Variants in XKR6 observed in about 807,000 individuals in gnomAD.
The protein encoded by XKR6 is XK related 6.
XKR6 carries 22 observed loss-of-function variants against 56.7 expected under a neutral mutation model. The observed-to-expected ratio is 0.39, with a 90% CI of 0.28 to 0.55. The LOEUF (loss-of-function observed/expected upper bound fraction) is 0.55. Among genes scored for constraint, XKR6 ranks in the 20% least tolerant of loss-of-function variants. The pLI is 0.66. For synonymous variants in XKR6, 524 were observed against 387.8 expected (o/e 1.35, Z -4.13); for missense variants, 852 against 889.0 (o/e 0.96, Z 0.53).
chr8:11,108,665 C>T lies in XKR6; in HGVS notation c.764+91911G>A, dbSNP rs965345671. The T allele has an allele frequency of 1.5e-4, 35 of 230,276 alleles. 1 individual carries two copies. The South Asian group carries it at 1.6e-3, about 11-fold the overall frequency. The allele number at this position is 230,276 out of a possible 1,614,324, so 14.3% of individuals were successfully genotyped here. A position where few individuals can be genotyped will look rare whatever the true frequency, so the allele number is the denominator to read the frequency against. On this transcript the variant is annotated intron_variant, in intron 1 of 2. Transcript: ENST00000416569. ...TCTTGCCATGTGGCTCAGTTCTATGCGTGGAAAAGCAATGAGCGACCTTCA... is the reference window on the plus strand; with the variant it reads ...TCTTGCCATGTGGCTCAGTTCTATGTGTGGAAAAGCAATGAGCGACCTTCA...
rs570729851 is a variant in XKR6 at position 10,945,086 on chromosome 8, GA to G, written c.765-20257del. 3.0e-4 allele frequency among the ~76,000 whole-genome samples: 46 copies of G among 152,310 alleles called. 1 individual carries two copies. In the South Asian group the frequency reaches 6.8e-3, roughly 23 times the overall value. On this transcript the variant is annotated intron_variant, in intron 1 of 2. Coordinates refer to ENST00000416569, the MANE Select transcript of XKR6 (RefSeq NM_173683.4). ...GGGCTCGGGAGAGCATTGCCTGGGT[GA>G]AACTGGCTCCACCCCACGCCACCCA...
intron 1 of XKR6, among the ~76,000 whole-genome samples, chr8:10,950,808 A>G (rs558910350): frequency 6.7e-6 from 1 of 149,014 alleles, no homozygotes; most frequent in East Asian, 1.9e-4. Flanking sequence ...AGTGTCGAAC[A>G]CTTTCCAGGT....
intron 1 of XKR6, among the ~76,000 whole-genome samples, chr8:11,046,329 G>A (rs1184936158): frequency 6.6e-6 from 1 of 152,156 alleles, no homozygotes; most frequent in Non-Finnish European, 1.5e-5. Context: ...GAATCTAGGA[G>A]ACAGAGGTTG....
At chr8:10,915,267 G>A (rs1800527243) in intron 2 of XKR6, among the ~76,000 whole-genome samples, 1 of 152,238 alleles carries the variant, frequency 6.6e-6, no homozygotes, top group Non-Finnish European at 1.5e-5. Context: ...CATAGTAGGT[G>A]ATTAGGGAAG....
intron 1 of XKR6, chr8:11,035,247 C>T: frequency 1.9e-6 from 1 of 534,770 alleles, no homozygotes. Context: ...GACGTAGCAC[C>T]CCATTTCCAG....
In XKR6 at chr8:10,938,473, A is replaced by G. The variant is rs550566729; in HGVS notation, c.765-13643T>C. Among the ~76,000 whole-genome samples, 494 of 152,342 alleles carry G rather than the reference A, an allele frequency of 3.2e-3. 16 individuals are homozygous for G. Among genetic ancestry groups the G allele is most frequent in the Non-Finnish European group, 3.7e-3 (254 of 68,034 alleles). ...GCCTACTATCCTTCCGCAGGTGAATATATAAACAATTATGGTAATCCATAC... is the reference window on the plus strand; with the variant it reads ...GCCTACTATCCTTCCGCAGGTGAATGTATAAACAATTATGGTAATCCATAC... On this transcript the variant is annotated intron_variant, in intron 1 of 2. Transcript: ENST00000416569.
chr8:10,962,780 C>A (rs1475279330), intron 1 of XKR6, among the ~76,000 whole-genome samples: 1 of 152,090 alleles, frequency 6.6e-6, no homozygotes, highest in Non-Finnish European at 1.5e-5. Context: ...CCCCCGCCAC[C>A]ACACCTGGCT....
In XKR6 at chr8:11,201,190, C is replaced by A; in HGVS notation, c.150G>T (p.Glu50Asp). The change falls in exon 1 of 3, where the codon GAG becomes GAT. Residue 50 changes from glutamate (E) to aspartate (D), a missense_variant. Coordinates refer to ENST00000416569, the MANE Select transcript of XKR6 (RefSeq NM_173683.4). Reference sequence around the variant, plus strand: ...AGTGGCAGATGTGCATCGAGCTGCTCTCGCCGGGCTCGCTGCCGTCGCCGC... The same window carrying A: ...AGTGGCAGATGTGCATCGAGCTGCTATCGCCGGGCTCGCTGCCGTCGCCGC... The part of the protein sequence containing the change: ...GGGGDGSEPG[E>D]SSSMHICHCC... The A allele has an allele frequency of 6.5e-7, 1 of 1,528,546 alleles. No individual in the cohort carries two copies. The highest frequency in any genetic ancestry group is 8.7e-7 in the Non-Finnish European group (1 of 1,144,208). The allele number at this position is 1,528,546 out of a possible 1,614,324, so 94.7% of individuals were successfully genotyped here. A position where few individuals can be genotyped will look rare whatever the true frequency, so the allele number is the denominator to read the frequency against.
chr8:11,050,304 G>T (rs1489153643), intron 1 of XKR6, among the ~76,000 whole-genome samples: 1 of 152,064 alleles, frequency 6.6e-6, no homozygotes, highest in African/African-American at 2.4e-5. Context: ...CTCAGCAATC[G>T]TGGCATTCAC....
At chr8:11,144,630 G>A (rs1015628963) in intron 1 of XKR6, among the ~76,000 whole-genome samples, 8 of 152,014 alleles carry the variant, frequency 5.3e-5, no homozygotes, top group South Asian at 2.1e-4. Flanking sequence ...CCCTCACTCA[G>A]GCAGATACCT....
chr8:10,973,747 AT>A (rs1304211387), intron 1 of XKR6, among the ~76,000 whole-genome samples: 1 of 152,006 alleles, frequency 6.6e-6, no homozygotes, highest in East Asian at 1.9e-4. Context: ...GGCCCAGCTA[AT>A]TTTTTGTGTT....
chr8:11,052,820 T>A (rs1033894918), intron 1 of XKR6, among the ~76,000 whole-genome samples: 2 of 150,902 alleles, frequency 1.3e-5, no homozygotes, highest in East Asian at 3.9e-4. Flanking sequence ...TTAGGATTCC[T>A]CTGCTGCCCG....
chr8:10,904,955 A>C (rs1292833304), intron 2 of XKR6, among the ~76,000 whole-genome samples: 1 of 152,166 alleles, frequency 6.6e-6, no homozygotes, highest in Non-Finnish European at 1.5e-5. Context: ...TGTCGGAAAC[A>C]CACTTGATGA....
At chr8:10,951,143 G>A (rs117083917) in intron 1 of XKR6, among the ~76,000 whole-genome samples, 1 of 152,318 alleles carries the variant, frequency 6.6e-6, no homozygotes, top group East Asian at 1.9e-4. Context: ...CAGGAAGTCT[G>A]GAGGCCACAG....
At chr8:11,086,902 G>A (rs970928062) in intron 1 of XKR6, among the ~76,000 whole-genome samples, 5 of 152,206 alleles carry the variant, frequency 3.3e-5, no homozygotes, top group South Asian at 4.1e-4. Context: ...GAGGTCACCC[G>A]GCCAGTCCTG....
intron 1 of XKR6, among the ~76,000 whole-genome samples, chr8:11,091,436 C>CAAATAAATAAATAAATAAATAAATAAAT (rs141357916): frequency 1.4e-5 from 2 of 142,998 alleles, no homozygotes; most frequent in African/African-American, 2.7e-5. Context: ...GACCCTGACT[C>CAAATAAATAAATAAATAAATAAATAAAT]AAATAAATAA....
At chr8:10,978,646 G>A (rs1000148067) in intron 1 of XKR6, among the ~76,000 whole-genome samples, 6 of 152,236 alleles carry the variant, frequency 3.9e-5, no homozygotes, top group African/African-American at 1.4e-4. Context: ...AACATAGATG[G>A]AAATGAGCTT....
At chr8:11,180,756 A>T (rs937077045) in intron 1 of XKR6, among the ~76,000 whole-genome samples, 5 of 151,804 alleles carry the variant, frequency 3.3e-5, no homozygotes. Context: ...AAAATATAAA[A>T]ATTAGCCAGG....
intron 2 of XKR6, among the ~76,000 whole-genome samples, chr8:10,919,499 A>G (rs1800653437): frequency 6.6e-6 from 1 of 152,232 alleles, no homozygotes; most frequent in Non-Finnish European, 1.5e-5. Context: ...GCTCCTGGGT[A>G]ACACATCTTT....
Sources: gnomAD v4.1 joint callset for allele counts (sites outside exome capture counted in the v4.1 genomes callset) on GRCh38, gnomAD v4.1.1 for gene constraint, MANE v1.5 for transcripts, NCBI Gene and HGNC (gene_info 2026-07-23, HGNC 2026-07-21) for gene names.